KAZN: variants seen among roughly 807,000 people sequenced by gnomAD.
KAZN encodes the protein kazrin, periplakin interacting protein.
Under a neutral mutation model 87.4 loss-of-function variants are expected in KAZN, and 40 were observed. The observed-to-expected ratio is 0.46, with a 90% confidence interval of 0.36 to 0.60. The LOEUF (loss-of-function observed/expected upper bound fraction) is 0.60. Ranked by LOEUF, KAZN falls within the 20% of genes least tolerant of loss-of-function variation. The pLI is 0.00. For synonymous variants in KAZN, 466 were observed against 458.3 expected (o/e 1.02, Z -0.22); for missense variants, 898 against 1,073.9 (o/e 0.84, Z 2.29).
intron 2 of KAZN, among the ~76,000 whole-genome samples, chr1:14,354,679 C>CACACAT (rs1658856393): frequency 6.6e-6 from 1 of 151,066 alleles, no homozygotes; most frequent in Non-Finnish European, 1.5e-5. Flanking sequence ...CACACACACA[C>CACACAT]ACACACACAA....
chr1:14,452,962 T>C (rs1349840456), intron 2 of KAZN, among the ~76,000 whole-genome samples: 1 of 152,056 alleles, frequency 6.6e-6, no homozygotes, highest in African/African-American at 2.4e-5. Context: ...GTTGTTGCTG[T>C]TGTTGTTGTT....
chr1:14,509,197 C>A (rs1294322858), intron 2 of KAZN, among the ~76,000 whole-genome samples: 3 of 152,192 alleles, frequency 2.0e-5, no homozygotes, highest in African/African-American at 7.2e-5. Context: ...AAAGGCTGAC[C>A]GTGCTCCAGG....
At chr1:15,015,536 G>A (rs922070318) in intron 2 of KAZN, among the ~76,000 whole-genome samples, 1 of 152,092 alleles carries the variant, frequency 6.6e-6, no homozygotes, top group Admixed American at 6.5e-5. Context: ...GCTGTCTCTC[G>A]GGTGAAGAGT....
intron 2 of KAZN, among the ~76,000 whole-genome samples, chr1:14,458,204 ACTGT>A (rs956672608): frequency 5.3e-5 from 8 of 152,036 alleles, no homozygotes; most frequent in African/African-American, 1.2e-4. Context: ...TTTTTATAAA[ACTGT>A]CTATTTGATT....
rs191547835 is a variant in KAZN, at chr1:14,959,853, G to C, written c.227-831G>C. On this transcript the variant is annotated intron_variant, in intron 1 of 14. Coordinates refer to ENST00000376030, the MANE Select transcript of KAZN (RefSeq NM_201628.3). ...AAGCTGACAATACCTTGGTTGACAC[G>C]GCTCTCACTTTGGGAGGATGGCGCA... is the stretch of plus-strand genomic sequence containing the variant. Among the ~76,000 whole-genome samples, 648 of 152,210 alleles carry C rather than the reference G, an allele frequency of 4.3e-3. 2 individuals are homozygous for C. The highest frequency in any genetic ancestry group is 7.2e-3 in the Non-Finnish European group (489 of 68,014).
chr1:14,784,878 G>A (rs1208604777), intron 1 of KAZN, among the ~76,000 whole-genome samples: 1 of 152,120 alleles, frequency 6.6e-6, no homozygotes, highest in Non-Finnish European at 1.5e-5. Flanking sequence ...CACCATGTCT[G>A]AGAATAGCCT....
intron 1 of KAZN, among the ~76,000 whole-genome samples, chr1:14,680,336 G>T (rs1640493451): frequency 6.6e-6 from 1 of 152,052 alleles, no homozygotes. Context: ...CCCTACTCCT[G>T]CAGCTATGGC....
At chr1:14,716,711 C>T (rs557583101) in intron 1 of KAZN, among the ~76,000 whole-genome samples, 2 of 152,260 alleles carry the variant, frequency 1.3e-5, no homozygotes, top group Middle Eastern at 3.4e-3. Context: ...TCCTGTGTTC[C>T]CTGCTGTCCC....
chr1:14,468,495 A>G (rs1419811014), intron 2 of KAZN, among the ~76,000 whole-genome samples: 2 of 152,186 alleles, frequency 1.3e-5, no homozygotes, highest in Non-Finnish European at 2.9e-5. Context: ...AGGAGGTAGT[A>G]TGGATTCAGC....
At chr1:14,887,682 T>C (rs1329849659) in intron 1 of KAZN, among the ~76,000 whole-genome samples, 3 of 151,290 alleles carry the variant, frequency 2.0e-5, no homozygotes, top group African/African-American at 7.3e-5. Flanking sequence ...TTTTTTTTTT[T>C]GCGGTCGTGC....
intron 2 of KAZN, among the ~76,000 whole-genome samples, chr1:14,258,341 G>A (rs192168697): frequency 2.8e-4 from 42 of 148,812 alleles, no homozygotes; most frequent in Non-Finnish European, 4.4e-4. Flanking sequence ...TCAGCCTCCC[G>A]AGTAGCTGGG....
At chr1:15,101,448 T>C in intron 10 of KAZN, 95 bp from the exon 11 acceptor site, 4 of 814,094 alleles carry the variant, frequency 4.9e-6, no homozygotes, top group Non-Finnish European at 8.0e-6. Flanking sequence ...CCCCATTGCT[T>C]TTCCTCTCTC....
intron 2 of KAZN, among the ~76,000 whole-genome samples, chr1:14,243,568 C>T (rs963178536): frequency 2.0e-5 from 3 of 152,122 alleles, no homozygotes; most frequent in African/African-American, 7.2e-5. Flanking sequence ...ACAGTCAAGA[C>T]TATGTTAAGA....
At chr1:14,230,013 T>G (rs2100535730) in intron 2 of KAZN, among the ~76,000 whole-genome samples, 1 of 152,360 alleles carries the variant, frequency 6.6e-6, no homozygotes, top group South Asian at 2.1e-4. Context: ...ATGGAAATAG[T>G]CTACAGCTGT....
rs1023182492 is a variant in KAZN, at chr1:15,094,064, G to A, written c.1223-116G>A. The stretch of plus-strand genomic sequence containing the variant: ...CCAAAAGCCACTTTGATTTTGAAGA[G>A]AATACATGGAGGGGAGGATGTCCCC... On this transcript the variant is annotated intron_variant, in intron 8 of 14. Transcript: ENST00000376030. The surrounding 1 kb of genome is among the most constrained non-coding windows in gnomAD (Gnocchi z 4.5). 1 of 827,584 alleles carries A rather than the reference G, an allele frequency of 1.2e-6. No individual in the cohort carries two copies. Among genetic ancestry groups the A allele is most frequent in the Non-Finnish European group, 1.9e-6 (1 of 532,092 alleles). The allele number at this position is 827,584 out of a possible 1,614,324, so 51.3% of individuals were successfully genotyped here.
intron 2 of KAZN, among the ~76,000 whole-genome samples, chr1:14,317,977 C>A (rs533532607): frequency 6.6e-6 from 1 of 152,042 alleles, no homozygotes; most frequent in East Asian, 1.9e-4. Flanking sequence ...ATTTCATGTA[C>A]CAATATTAGA....
chr1:14,098,903 A>G (rs780724232), intron 1 of KAZN, among the ~76,000 whole-genome samples: 3 of 152,134 alleles, frequency 2.0e-5, no homozygotes, highest in Admixed American at 2.0e-4. Context: ...ACCCACACAC[A>G]TGGAATTCAG....
Position 14,386,711 on chromosome 1 carries a change from G to A in KAZN, c.249+206119G>A, listed in dbSNP as rs541448364. On this transcript the variant is annotated intron_variant, in intron 2 of 16. Coordinates refer to the KAZN transcript ENST00000636203. ...GTTAGTCTGATGGGCTTCCCTTTGA[G>A]GGTAACATGACCTTTCTCTCTGGCT... is the stretch of plus-strand genomic sequence containing the variant. 8.9e-4 allele frequency among the ~76,000 whole-genome samples: 135 copies of A among 152,172 alleles called. 1 individual carries two copies. Among genetic ancestry groups the A allele is most frequent in the Non-Finnish European group, 1.8e-3 (123 of 68,012 alleles).
At chr1:14,831,925 T>C (rs1647060126) in intron 1 of KAZN, among the ~76,000 whole-genome samples, 2 of 152,166 alleles carry the variant, frequency 1.3e-5, no homozygotes, top group East Asian at 1.9e-4. Context: ...CTGGGCTTAG[T>C]GGCTCACACC....
Sources: allele counts gnomAD v4.1 joint callset (sites outside exome capture counted in the v4.1 genomes callset), GRCh38; gene constraint gnomAD v4.1.1; non-coding constraint Gnocchi (gnomAD v3.1); transcripts MANE v1.5; gene names NCBI Gene and HGNC (gene_info 2026-07-23, HGNC 2026-07-21).